Variants in THEMIS observed in about 807,000 individuals in gnomAD.
THEMIS encodes the protein protein THEMIS.
Under a neutral mutation model 52.6 loss-of-function variants are expected in THEMIS, and 37 were observed. The observed-to-expected ratio is 0.70, with a 90% CI of 0.54 to 0.93. THEMIS has a LOEUF of 0.93. THEMIS is among the 40% of genes least tolerant of loss of function. The pLI is 0.00. For synonymous variants in THEMIS, 292 were observed against 272.7 expected, an observed-to-expected ratio of 1.07 and a Z score of -0.70; for missense variants, 808 against 763.1, an observed-to-expected ratio of 1.06 and a Z score of -0.69.
chr6:127,879,092 G>GA (rs559842200), intron 1 of THEMIS, among the ~76,000 whole-genome samples: 10 of 151,938 alleles, frequency 6.6e-5, no homozygotes, highest in African/African-American at 1.7e-4. Flanking sequence ...GTCAATTTAG[G>GA]AAAAAAAATC....
chr6:127,707,673 T>C (rs986972875), downstream of THEMIS, among the ~76,000 whole-genome samples: 1 of 152,162 alleles, frequency 6.6e-6, no homozygotes, highest in Non-Finnish European at 1.5e-5. Context: ...GGGTTATAAT[T>C]AGATCCTAAT....
At chr6:127,832,557 C>G (rs187051620) in intron 2 of THEMIS, among the ~76,000 whole-genome samples, 309 of 152,172 alleles carry the variant, frequency 2.0e-3, no homozygotes, top group Admixed American at 5.6e-3. Flanking sequence ...ACCACTGGGA[C>G]TGATTAGATC....
intron 4 of THEMIS, among the ~76,000 whole-genome samples, chr6:127,783,653 G>T (rs1054575064): frequency 2.0e-5 from 3 of 152,184 alleles, no homozygotes; most frequent in African/African-American, 7.2e-5. Flanking sequence ...CATCAATGGT[G>T]ATTAGAGAAA....
intron 2 of THEMIS, among the ~76,000 whole-genome samples, chr6:127,849,473 T>A (rs1779344474): frequency 1.3e-5 from 2 of 151,818 alleles, no homozygotes. Flanking sequence ...CCAATGACTT[T>A]CTTCACAGAA....
chr6:127,792,425 C>T (rs1370482082), intron 4 of THEMIS, among the ~76,000 whole-genome samples: 2 of 152,160 alleles, frequency 1.3e-5, no homozygotes, highest in African/African-American at 2.4e-5. Context: ...ATACCTATCT[C>T]ACAGGGTTCT....
At chr6:127,794,969 A>G (rs6569516) in intron 4 of THEMIS, among the ~76,000 whole-genome samples, 23,140 of 152,202 alleles carry the variant, frequency 0.15, 1,969 homozygotes, top group African/African-American at 0.22. Context: ...TATAATAACC[A>G]ACAGATATTT....
At chr6:127,857,484 A>G (rs1005385798) in intron 1 of THEMIS, among the ~76,000 whole-genome samples, 1 of 152,020 alleles carries the variant, frequency 6.6e-6, no homozygotes, top group East Asian at 1.9e-4. Context: ...GAGACTAGGG[A>G]AGTAGAGGGA....
At chr6:127,751,940 T>C (rs1775657755) in intron 4 of THEMIS, among the ~76,000 whole-genome samples, 1 of 151,724 alleles carries the variant, frequency 6.6e-6, no homozygotes, top group South Asian at 2.1e-4. Flanking sequence ...ATAGGTCATA[T>C]ATTAGACCAC....
intron 3 of THEMIS, among the ~76,000 whole-genome samples, chr6:127,827,514 C>G (rs1473229650): frequency 4.6e-5 from 7 of 152,112 alleles, no homozygotes; most frequent in Admixed American, 2.0e-4. Context: ...TTATTTCAAC[C>G]AAGGGCTTTC....
chr6:127,897,842 AAAATTACTGG>A (rs1437952310), intron 1 of THEMIS, among the ~76,000 whole-genome samples: 1 of 151,700 alleles, frequency 6.6e-6, no homozygotes, highest in Admixed American at 6.6e-5. Context: ...TTTTCATGAC[AAAATTACTGG>A]AAACTCCAAG....
Position 127,791,912 on chromosome 6 carries a change from C to T in THEMIS, c.1758+20971G>A, listed in dbSNP as rs1231057975. ...AATTGGAGTGGGCACTGGGAATGGG[C>T]AGAGGTCAGGCAGCGAGAGCAGGCA... On this transcript the variant is annotated intron_variant, in intron 4 of 5. Coordinates refer to ENST00000368248, the MANE Select transcript of THEMIS (RefSeq NM_001010923.3). 2.0e-5 allele frequency among the ~76,000 whole-genome samples: 3 copies of T among 152,310 alleles called. No individual in the cohort carries two copies. In the East Asian group the frequency reaches 5.8e-4, roughly 29 times the overall value.
chr6:127,798,947 G>A (rs1777426979), intron 4 of THEMIS, among the ~76,000 whole-genome samples: 1 of 146,902 alleles, frequency 6.8e-6, no homozygotes, highest in African/African-American at 2.5e-5. Flanking sequence ...AGCTGAGATT[G>A]TGCCACTGCA....
chr6:127,887,096 CAAAGG>C (rs1780670300), intron 1 of THEMIS, among the ~76,000 whole-genome samples: 1 of 150,648 alleles, frequency 6.6e-6, no homozygotes, highest in Non-Finnish European at 1.5e-5. Flanking sequence ...CCACAAGCCA[CAAAGG>C]AAAGAAAATA....
chr6:127,850,391 T>A (rs1194324991), intron 2 of THEMIS, among the ~76,000 whole-genome samples: 1 of 151,886 alleles, frequency 6.6e-6, no homozygotes, highest in Non-Finnish European at 1.5e-5. Context: ...ACTGCATATC[T>A]ACTCAAAGGA....
the THEMIS span, among the ~76,000 whole-genome samples, chr6:127,698,946 T>G: frequency 1.3e-5 from 2 of 151,986 alleles, no homozygotes; most frequent in African/African-American, 4.8e-5. Context: ...AGGAGATAAT[T>G]CTAGAGTCTA....
At chr6:127,792,095 C>T (rs904394269) in intron 4 of THEMIS, among the ~76,000 whole-genome samples, 4 of 152,140 alleles carry the variant, frequency 2.6e-5, no homozygotes, top group African/African-American at 9.7e-5. Context: ...GTTCCCGGCT[C>T]CCACCAGTTC....
chr6:127,916,577 C>T (rs1034809607), intron 1 of THEMIS, among the ~76,000 whole-genome samples: 1 of 152,094 alleles, frequency 6.6e-6, no homozygotes, highest in Non-Finnish European at 1.5e-5. Flanking sequence ...TAAATGGGTA[C>T]AGTAAGACAA....
At chr6:127,900,062 A>T (rs1781092264) in intron 1 of THEMIS, among the ~76,000 whole-genome samples, 1 of 151,628 alleles carries the variant, frequency 6.6e-6, no homozygotes, top group African/African-American at 2.4e-5. Context: ...TTTTGTCTTG[A>T]TCTGTTTCTA....
At chr6:127,817,389 TA>T (rs1333999349) in intron 3 of THEMIS, among the ~76,000 whole-genome samples, 2 of 152,370 alleles carry the variant, frequency 1.3e-5, no homozygotes, top group African/African-American at 4.8e-5. Flanking sequence ...GCAGCTATTG[TA>T]TATTTTATTT....
Sources: gnomAD v4.1 joint callset for allele counts (sites outside exome capture counted in the v4.1 genomes callset) on GRCh38, gnomAD v4.1.1 for gene constraint, MANE v1.5 for transcripts, NCBI Gene and HGNC (gene_info 2026-07-23, HGNC 2026-07-21) for gene names.